Variants in CHIC1 observed in about 807,000 individuals in gnomAD.
CHIC1 encodes the protein cysteine-rich hydrophobic domain-containing protein 1.
A neutral mutation model predicts 18.5 loss-of-function variants in CHIC1; 7 were observed. The observed-to-expected ratio is 0.38, with a 90% CI of 0.22 to 0.71. The LOEUF (loss-of-function observed/expected upper bound fraction) is 0.71, where lower values mean the gene tolerates loss of function less well. Among genes scored for constraint, CHIC1 ranks in the 30% least tolerant of loss-of-function variants. The pLI, the probability that CHIC1 is intolerant of heterozygous loss-of-function variation, is 0.49. For synonymous variants in CHIC1, 77 were observed against 73.5 expected (o/e 1.05, Z -0.25); for missense variants, 159 against 176.9 (o/e 0.90, Z 0.57).
intron 3 of CHIC1, among the ~76,000 whole-genome samples, chrX:73,592,365 A>T (rs2057586235): frequency 9.0e-6 from 1 of 111,442 alleles, no homozygotes; most frequent in Middle Eastern, 4.6e-3. Flanking sequence ...GCTCTTAACT[A>T]TTTTGAGATA....
At chrX:73,598,293 A>G (rs1341802080) in intron 3 of CHIC1, among the ~76,000 whole-genome samples, 10 of 107,104 alleles carry the variant, frequency 9.3e-5, no homozygotes, top group Non-Finnish European at 1.3e-4. Context: ...AACTGGCATG[A>G]GATGGTATCT....
At chrX:73,671,181 T>C (rs766077439) in intron 3 of CHIC1, among the ~76,000 whole-genome samples, 17 of 111,958 alleles carry the variant, frequency 1.5e-4, no homozygotes, top group African/African-American at 5.5e-4. Flanking sequence ...TTGATGTGAA[T>C]TCCCTTATAT....
At chrX:73,572,761 T>C (rs1196577697) in intron 1 of CHIC1, among the ~76,000 whole-genome samples, 1 of 111,532 alleles carries the variant, frequency 9.0e-6, no homozygotes, top group Non-Finnish European at 1.9e-5. Context: ...TTTTGAGAAA[T>C]GTATATTCAT....
Position 73,563,296 on chromosome X carries a change from G to A in CHIC1, c.12G>A (p.Leu4=), listed in dbSNP as rs1230180011. 8.9e-7 allele frequency: 1 copy of A among 1,123,680 alleles called. No individual in the cohort carries two copies. Among genetic ancestry groups the A allele is most frequent in the South Asian group, 2.2e-5 (1 of 45,908 alleles). 92.6% of individuals were successfully genotyped at this position (1,123,680 alleles called of 1,213,427 possible). The stretch of plus-strand genomic sequence containing the variant: ...CGCGAGGTCACGTGATGAGCATCCT[G>A]CTGCCCAACATGGCGGAGTTCGACA... The part of the protein sequence containing the change: MSI[L]LPNMAEFDTI... The change falls in exon 1 of 6, where the codon CTG becomes CTA. Residue 4 remains leucine, a synonymous_variant. Coordinates refer to ENST00000373502, the MANE Select transcript of CHIC1 (RefSeq NM_001039840.4).
rs145806962 is a variant in CHIC1, at chrX:73,642,413, A to G, written c.508-36913A>G. On this transcript the variant is annotated intron_variant, in intron 3 of 5. Coordinates refer to ENST00000373502, the MANE Select transcript of CHIC1 (RefSeq NM_001039840.4). The stretch of plus-strand genomic sequence containing the variant: ...TGTTAGAGTTCATTGTAGATTCTGG[A>G]TATCAGCCCTTTGTCAGATGAGTAG... 0.053 allele frequency among the ~76,000 whole-genome samples: 5,847 copies of G among 110,765 alleles called. 798 individuals carry two copies. In the East Asian group the frequency reaches 0.78, roughly 15 times the overall value.
intron 3 of CHIC1, among the ~76,000 whole-genome samples, chrX:73,641,668 C>G (rs2057857037): frequency 9.2e-6 from 1 of 108,886 alleles, no homozygotes; most frequent in Non-Finnish European, 1.9e-5. Context: ...CCCTTCCCCC[C>G]TCCCCCCACA....
chrX:73,671,954 G>A lies in CHIC1; in HGVS notation c.508-7372G>A, dbSNP rs137883834. 6.4e-3 allele frequency among the ~76,000 whole-genome samples: 702 copies of A among 110,519 alleles called. 8 individuals carry two copies. Among genetic ancestry groups the A allele is most frequent in the African/African-American group, 0.022 (658 of 30,336 alleles). On this transcript the variant is annotated intron_variant, in intron 3 of 5. Coordinates refer to ENST00000373502, the MANE Select transcript of CHIC1 (RefSeq NM_001039840.4). ...CCCACAACAGTCCCCGGTGTGTGAT[G>A]TTCCCCTTCCTATGTCCATGTGTTC...
intron 3 of CHIC1, among the ~76,000 whole-genome samples, chrX:73,633,131 T>C (rs1318895566): frequency 1.8e-5 from 2 of 111,416 alleles, no homozygotes; most frequent in Non-Finnish European, 3.8e-5. Context: ...TTATATGTTT[T>C]TATGTTGCTA....
chrX:73,671,271 C>T (rs143080171), intron 3 of CHIC1, among the ~76,000 whole-genome samples: 1,298 of 111,902 alleles, frequency 0.012, 11 homozygotes, highest in African/African-American at 0.04. Context: ...GCCTTGAAGA[C>T]GACCTTTTCA....
intron 3 of CHIC1, among the ~76,000 whole-genome samples, chrX:73,599,651 G>A (rs1374758108): frequency 2.9e-4 from 29 of 101,676 alleles, no homozygotes; most frequent in East Asian, 6.2e-4. Flanking sequence ...GTAGATATGC[G>A]GCGTTATTTC....
At chrX:73,679,037 T>C (rs777542033) in intron 3 of CHIC1, among the ~76,000 whole-genome samples, 1 of 112,186 alleles carries the variant, frequency 8.9e-6, no homozygotes, top group South Asian at 3.7e-4. Context: ...TTCACAGTAG[T>C]CCAGTGGATG....
chrX:73,642,139 T>G (rs2057860356), intron 3 of CHIC1, among the ~76,000 whole-genome samples: 1 of 111,761 alleles, frequency 8.9e-6, no homozygotes, highest in African/African-American at 3.3e-5. Context: ...CCACCAACAG[T>G]GTAAAAGTGT....
chrX:73,675,867 T>C (rs2058059445), intron 3 of CHIC1, among the ~76,000 whole-genome samples: 2 of 110,576 alleles, frequency 1.8e-5, no homozygotes, highest in Non-Finnish European at 3.8e-5. Context: ...CAGTGGCTGG[T>C]ACCGGTTGTT....
At chrX:73,648,034 T>C (rs1233833997) in intron 3 of CHIC1, among the ~76,000 whole-genome samples, 2 of 111,426 alleles carry the variant, frequency 1.8e-5, no homozygotes, top group Non-Finnish European at 3.8e-5. Flanking sequence ...TTTGCTGTTC[T>C]CCAGCCTCCA....
At chrX:73,587,590 T>A (rs1253430394) in intron 3 of CHIC1, among the ~76,000 whole-genome samples, 2 of 111,612 alleles carry the variant, frequency 1.8e-5, no homozygotes, top group Non-Finnish European at 3.8e-5. Context: ...TTCACTGTCC[T>A]GTTTGATTCT....
In CHIC1 at chrX:73,627,137, CAA is replaced by C. The variant is rs759306668; in HGVS notation, c.507+42585_507+42586del. ...CTCTTCTTCTTTCTTTAAGTTCTCCCAAAAAAAAAAAAAAAAAAAAAGAGTCT... is the reference window on the plus strand; with the variant it reads ...CTCTTCTTCTTTCTTTAAGTTCTCCCAAAAAAAAAAAAAAAAAAAGAGTCT... On this transcript the variant is annotated intron_variant, in intron 3 of 5. Transcript: ENST00000373502. Among the ~76,000 whole-genome samples the C allele has an allele frequency of 2.7e-3, 152 of 56,971 alleles. 1 individual carries two copies. Among genetic ancestry groups the C allele is most frequent in the African/African-American group, 7.7e-3 (132 of 17,131 alleles). The allele number at this position is 56,971 out of a possible 115,157, so 49.5% of individuals were successfully genotyped here.
At chrX:73,670,593 TA>T (rs1369696554) in intron 3 of CHIC1, among the ~76,000 whole-genome samples, 35 of 107,732 alleles carry the variant, frequency 3.2e-4, no homozygotes, top group African/African-American at 1.2e-3. Flanking sequence ...TTCTTTCTTC[TA>T]TTCTTATATT....
intron 3 of CHIC1, among the ~76,000 whole-genome samples, chrX:73,659,038 G>A (rs921925018): frequency 9.0e-5 from 10 of 111,521 alleles, no homozygotes; most frequent in Admixed American, 2.9e-4. Flanking sequence ...CCAGTGCTGC[G>A]GGGATTTATT....
In CHIC1 at chrX:73,601,461, C is replaced by G. The variant is rs1223892350; in HGVS notation, c.507+16889C>G. ...TGAACAACCTGCTCCCGAATGACTACTGGGTACATAACGAAATGAAGGCAG... is the reference window on the plus strand; with the variant it reads ...TGAACAACCTGCTCCCGAATGACTAGTGGGTACATAACGAAATGAAGGCAG... On this transcript the variant is annotated intron_variant, in intron 3 of 5. Coordinates refer to ENST00000373502, the MANE Select transcript of CHIC1 (RefSeq NM_001039840.4). Among the ~76,000 whole-genome samples the G allele has an allele frequency of 4.7e-5, 5 of 106,332 alleles. 1 individual carries two copies. Among genetic ancestry groups the G allele is most frequent in the African/African-American group, 1.8e-4 (5 of 27,051 alleles). 92.3% of individuals were successfully genotyped at this position (106,332 alleles called of 115,157 possible).
Sources: allele counts gnomAD v4.1 joint callset (sites outside exome capture counted in the v4.1 genomes callset), GRCh38; gene constraint gnomAD v4.1.1; transcripts MANE v1.5; gene names NCBI Gene and HGNC (gene_info 2026-07-23, HGNC 2026-07-21).